The following RFX8 variants were observed in gnomAD, a reference collection of about 807,000 sequenced individuals.
RFX8 encodes the protein DNA-binding protein RFX8.
In RFX8, 46 loss-of-function variants were observed where a neutral mutation model predicts 54.6. The ratio of observed to expected loss-of-function variants is 0.84; its 90% CI spans 0.67 to 1.08. RFX8 has a LOEUF of 1.08. RFX8 is among the 50% of genes least tolerant of loss of function. The probability of loss-of-function intolerance (pLI) is 0.00; values close to 1 mark genes in which losing one functional copy is unlikely to be tolerated. For synonymous variants in RFX8, 192 were observed against 209.5 expected (o/e 0.92, Z 0.72); for missense variants, 536 against 562.3 (o/e 0.95, Z 0.47).
At chr2:101,433,892 C>A (rs972092006) in intron 2 of RFX8, among the ~76,000 whole-genome samples, 17 of 152,114 alleles carry the variant, frequency 1.1e-4, no homozygotes, top group African/African-American at 4.1e-4. Context: ...GAGAAGATAT[C>A]TTTGACTTGA....
chr2:101,421,362 C>T (rs1248073793), intron 4 of RFX8: 43 of 1,003,780 alleles, frequency 4.3e-5, no homozygotes, highest in South Asian at 9.1e-5. Flanking sequence ...CTTCAGTTAG[C>T]GCGTATCAAT....
intron 9 of RFX8, among the ~76,000 whole-genome samples, chr2:101,407,829 A>T (rs1418425131): frequency 6.6e-6 from 1 of 152,190 alleles, no homozygotes; most frequent in East Asian, 1.9e-4. Context: ...CGTCACGTCC[A>T]CAGTGTGGCA....
chr2:101,426,353 A>C (rs887833119), intron 2 of RFX8, among the ~76,000 whole-genome samples: 3 of 151,838 alleles, frequency 2.0e-5, no homozygotes, highest in East Asian at 1.9e-4. Context: ...TTAAAAAAAA[A>C]CAAAAACACA....
At chr2:101,421,290 G>A (rs999735840) in intron 4 of RFX8, 14 of 986,784 alleles carry the variant, frequency 1.4e-5, no homozygotes, top group Admixed American at 6.1e-5. Context: ...GCCAATTCTA[G>A]GATTAAATCC....
At chr2:101,439,336 G>T (rs1286969744) in intron 2 of RFX8, among the ~76,000 whole-genome samples, 3 of 152,058 alleles carry the variant, frequency 2.0e-5, no homozygotes. Context: ...TTTGTAGCTT[G>T]TCTTTCCCTC....
intron 2 of RFX8, among the ~76,000 whole-genome samples, chr2:101,441,923 C>G (rs1172486562): frequency 2.6e-5 from 4 of 152,180 alleles, no homozygotes; most frequent in Non-Finnish European, 5.9e-5. Flanking sequence ...TATGTTAGCA[C>G]TTAAGTCTGC....
In RFX8 at chr2:101,457,041, C is replaced by T. The variant is rs544197669; in HGVS notation, c.72+9736G>A. Among the ~76,000 whole-genome samples, 8 of 152,224 alleles carry T rather than the reference C, an allele frequency of 5.3e-5. No individual in the cohort carries two copies. The East Asian group carries it at 1.2e-3, about 22-fold the overall frequency. ...ACGGTAGTTTGTATTTCTGTGGGAT[C>T]GGTGATGATATCCCCTTTATCATTG... On this transcript the variant is annotated intron_variant, in intron 2 of 11. Coordinates refer to ENST00000428343, the MANE Select transcript of RFX8 (RefSeq NM_001145664.2).
At chr2:101,426,121 G>A (rs1157368478) in intron 2 of RFX8, among the ~76,000 whole-genome samples, 3 of 152,168 alleles carry the variant, frequency 2.0e-5, no homozygotes, top group Non-Finnish European at 4.4e-5. Flanking sequence ...TCTTTACACA[G>A]TATAGAAATG....
chr2:101,421,999 C>T (rs1269326614), intron 3 of RFX8, among the ~76,000 whole-genome samples: 6 of 152,208 alleles, frequency 3.9e-5, no homozygotes, highest in African/African-American at 4.8e-5. Context: ...TGTCATAACT[C>T]ATATTTGCAG....
chr2:101,418,242 A>G (rs1001760660), intron 5 of RFX8, among the ~76,000 whole-genome samples: 5 of 152,208 alleles, frequency 3.3e-5, no homozygotes, highest in African/African-American at 7.2e-5. Flanking sequence ...TTAAAAAATC[A>G]CACAATGCTG....
At chr2:101,427,650 C>T (rs1303757302) in intron 2 of RFX8, among the ~76,000 whole-genome samples, 1 of 152,164 alleles carries the variant, frequency 6.6e-6, no homozygotes, top group Non-Finnish European at 1.5e-5. Context: ...ACAGTGGGAA[C>T]CGCACTCTTC....
chr2:101,417,783 G>A (rs1686619243), intron 5 of RFX8, 99 bp from the exon 6 acceptor site: 1 of 989,132 alleles, frequency 1.0e-6, no homozygotes, highest in Middle Eastern at 2.2e-4. Context: ...CAAGAAGTCT[G>A]AGAGCGGGTC....
At chr2:101,421,466 T>C in intron 4 of RFX8, 1 of 1,162,524 alleles carries the variant, frequency 8.6e-7, no homozygotes, top group African/African-American at 1.6e-5. Context: ...AAAAAATAGC[T>C]GAATTTGTAT....
At chr2:101,462,379 G>A (rs908591016) in intron 2 of RFX8, among the ~76,000 whole-genome samples, 2 of 152,116 alleles carry the variant, frequency 1.3e-5, no homozygotes, top group Non-Finnish European at 2.9e-5. Flanking sequence ...GCAGTGAGCC[G>A]AGATCATGTC....
chr2:101,453,405 C>T (rs568282924), intron 2 of RFX8, among the ~76,000 whole-genome samples: 2 of 152,084 alleles, frequency 1.3e-5, no homozygotes, highest in South Asian at 4.1e-4. Context: ...TGGGAGGCCA[C>T]GATGGACAGA....
chr2:101,411,110 G>A (rs1686098899), intron 8 of RFX8, among the ~76,000 whole-genome samples: 2 of 152,186 alleles, frequency 1.3e-5, no homozygotes, highest in South Asian at 4.1e-4. Context: ...GCAGACATAC[G>A]TCAAAGCTGC....
At chr2:101,403,638 T>C (rs546027055) in intron 10 of RFX8, among the ~76,000 whole-genome samples, 2 of 151,968 alleles carry the variant, frequency 1.3e-5, no homozygotes, top group South Asian at 4.2e-4. Context: ...ATACAAAAAA[T>C]TAGCCGGGCA....
intron 2 of RFX8, among the ~76,000 whole-genome samples, chr2:101,466,309 G>GA (rs34805689): frequency 0.46 from 60,320 of 132,178 alleles, 15,008 homozygotes; most frequent in Non-Finnish European, 0.58. Context: ...TTCTATCTCG[G>GA]AAAAAAAAAA....
chr2:101,439,238 T>G (rs547426346), intron 2 of RFX8, among the ~76,000 whole-genome samples: 4 of 152,308 alleles, frequency 2.6e-5, no homozygotes, highest in South Asian at 4.1e-4. Context: ...ATTGTTTGTT[T>G]CTTTTACTGT....
Sources: gnomAD v4.1 joint callset for allele counts (sites outside exome capture counted in the v4.1 genomes callset) on GRCh38, gnomAD v4.1.1 for gene constraint, MANE v1.5 for transcripts, NCBI Gene and HGNC (gene_info 2026-07-23, HGNC 2026-07-21) for gene names.